The following SUMF1 variants were observed in gnomAD, a reference collection of about 807,000 sequenced individuals.
The protein encoded by SUMF1 is sulfatase modifying factor 1.
SUMF1 carries 48 observed loss-of-function variants against 47.6 expected under a neutral mutation model. The observed-to-expected ratio is 1.01, with a 90% CI of 0.80 to 1.28. SUMF1 has a LOEUF of 1.28. Ranked by LOEUF, SUMF1 falls within the 50% of genes most tolerant of loss-of-function variation. The probability of loss-of-function intolerance (pLI) is 0.00; values close to 1 mark genes in which losing one functional copy is unlikely to be tolerated. For missense variants in SUMF1, 571 were observed against 485.4 expected, an observed-to-expected ratio of 1.18 and a Z score of -1.66; for synonymous variants, 230 against 192.1, an observed-to-expected ratio of 1.20 and a Z score of -1.63.
chr3:4,089,627 G>A (rs1692742662), intron 8 of SUMF1, among the ~76,000 whole-genome samples: 1 of 152,032 alleles, frequency 6.6e-6, no homozygotes, highest in Admixed American at 6.6e-5. Context: ...TGCAGAACAA[G>A]GGAAGAATAA....
chr3:4,094,265 CA>C (rs1355901573), intron 8 of SUMF1, among the ~76,000 whole-genome samples: 1 of 152,000 alleles, frequency 6.6e-6, no homozygotes, highest in Non-Finnish European at 1.5e-5. Context: ...CTCACTCCTT[CA>C]ACAAGTATTT....
At chr3:4,456,133 T>C (rs1360416841) in intron 1 of SUMF1, among the ~76,000 whole-genome samples, 2 of 152,148 alleles carry the variant, frequency 1.3e-5, no homozygotes, top group African/African-American at 4.8e-5. Context: ...AATGTTCACC[T>C]CAATATATGC....
chr3:4,459,357 C>T (rs1053674034), intron 1 of SUMF1, among the ~76,000 whole-genome samples: 1 of 150,896 alleles, frequency 6.6e-6, no homozygotes, highest in African/African-American at 2.4e-5. Context: ...AACAAGGGCT[C>T]AAATTAGAAA....
intron 8 of SUMF1, among the ~76,000 whole-genome samples, chr3:4,346,631 G>C (rs1033901473): frequency 7.9e-5 from 12 of 152,142 alleles, no homozygotes; most frequent in African/African-American, 2.9e-4. Flanking sequence ...AGAGAGGCAA[G>C]AGCAAGCTAA....
chr3:4,370,494 T>C (rs532641245), intron 8 of SUMF1, among the ~76,000 whole-genome samples: 23 of 152,218 alleles, frequency 1.5e-4, no homozygotes, highest in Non-Finnish European at 1.0e-4. Flanking sequence ...TCTTAAATTA[T>C]ATCAGAAACT....
At chr3:4,058,381 G>C (rs749055958) in intron 9 of SUMF1, among the ~76,000 whole-genome samples, 2 of 152,118 alleles carry the variant, frequency 1.3e-5, no homozygotes, top group African/African-American at 4.8e-5. Context: ...AATGGCCTTC[G>C]AATGCAGTAA....
intron 8 of SUMF1, among the ~76,000 whole-genome samples, chr3:4,218,946 G>C (rs1696002052): frequency 6.6e-6 from 1 of 152,130 alleles, no homozygotes; most frequent in Non-Finnish European, 1.5e-5. Context: ...CACAGAGGAA[G>C]TCAGATTCTA....
intron 8 of SUMF1, among the ~76,000 whole-genome samples, chr3:4,339,968 T>A (rs1372933229): frequency 1.3e-5 from 2 of 152,004 alleles, no homozygotes; most frequent in Admixed American, 1.3e-4. Flanking sequence ...TCCCAGCCAC[T>A]CGGGAGGCTG....
At chr3:4,275,837 C>A (rs557993792) in intron 8 of SUMF1, among the ~76,000 whole-genome samples, 4 of 152,098 alleles carry the variant, frequency 2.6e-5, no homozygotes, top group Admixed American at 6.5e-5. Context: ...ATGGTACAAG[C>A]GTCAGAACTA....
At chr3:4,416,024 TGTA>T (rs952042805) in intron 6 of SUMF1, among the ~76,000 whole-genome samples, 12 of 152,188 alleles carry the variant, frequency 7.9e-5, no homozygotes, top group African/African-American at 2.9e-4. Context: ...TTATCCAGTC[TGTA>T]GTATTTTCTT....
chr3:4,254,631 CG>C (rs1559618938), intron 8 of SUMF1, among the ~76,000 whole-genome samples: 1 of 130,630 alleles, frequency 7.7e-6, no homozygotes, highest in Non-Finnish European at 1.7e-5. Flanking sequence ...ACCAAATCTA[CG>C]TCTGATTGGT....
At chr3:4,189,766 C>CA (rs1363771264) in intron 8 of SUMF1, among the ~76,000 whole-genome samples, 2 of 152,142 alleles carry the variant, frequency 1.3e-5, no homozygotes, top group Non-Finnish European at 2.9e-5. Context: ...CCTGCTCCCC[C>CA]AAAATCCTCT....
chr3:4,152,248 G>A (rs1694352983), intron 8 of SUMF1, among the ~76,000 whole-genome samples: 1 of 151,474 alleles, frequency 6.6e-6, no homozygotes. Context: ...TATTCAAGAA[G>A]TCACTTTCTG....
chr3:4,387,457 A>G (rs948119250), intron 7 of SUMF1, among the ~76,000 whole-genome samples: 4 of 151,846 alleles, frequency 2.6e-5, no homozygotes, highest in Non-Finnish European at 4.4e-5. Context: ...TTCATTTCTC[A>G]TATTAGTAAT....
intron 7 of SUMF1, among the ~76,000 whole-genome samples, chr3:4,403,781 C>T (rs534775882): frequency 2.4e-4 from 36 of 152,282 alleles, no homozygotes; most frequent in Non-Finnish European, 4.3e-4. Flanking sequence ...TAGCAAGAGG[C>T]TGCAGGACCA....
chr3:4,039,052 C>A (rs919596767), intron 9 of SUMF1, among the ~76,000 whole-genome samples: 3 of 151,922 alleles, frequency 2.0e-5, no homozygotes, highest in Admixed American at 2.0e-4. Context: ...ACAGCAATGG[C>A]AAACATTAAA....
intron 1 of SUMF1, among the ~76,000 whole-genome samples, chr3:4,461,068 G>GC (rs2079803554): frequency 6.6e-6 from 1 of 152,108 alleles, no homozygotes; most frequent in Non-Finnish European, 1.5e-5. Flanking sequence ...ATGGTCCACA[G>GC]CAGACACAAA....
intron 8 of SUMF1, among the ~76,000 whole-genome samples, chr3:4,368,800 C>T (rs145687103): frequency 5.3e-4 from 81 of 152,316 alleles, no homozygotes; most frequent in African/African-American, 1.9e-3. Flanking sequence ...AAAGCCTCCA[C>T]ATGCCAAAAA....
chr3:4,239,635 T>C (rs1248493350), intron 8 of SUMF1, among the ~76,000 whole-genome samples: 2 of 152,216 alleles, frequency 1.3e-5, no homozygotes, highest in African/African-American at 2.4e-5. Flanking sequence ...CCTGAGACTT[T>C]GCTGAAGTTG....
Sources: allele counts gnomAD v4.1 joint callset (sites outside exome capture counted in the v4.1 genomes callset), GRCh38; gene constraint gnomAD v4.1.1; transcripts MANE v1.5; gene names NCBI Gene and HGNC (gene_info 2026-07-23, HGNC 2026-07-21).